Variants in PROM2 observed in about 807,000 individuals in gnomAD.
PROM2 encodes prominin 2.
PROM2 carries 90 observed loss-of-function variants against 110.2 expected under a neutral mutation model. The ratio of observed to expected loss-of-function variants is 0.82; its 90% CI spans 0.69 to 0.97. The LOEUF (loss-of-function observed/expected upper bound fraction) is 0.97. Ranked by LOEUF, PROM2 falls within the 50% of genes least tolerant of loss-of-function variation. PROM2 has a pLI of 0.00. For missense variants in PROM2, 1,009 were observed against 1,074.8 expected, an observed-to-expected ratio of 0.94 and a Z score of 0.86; for synonymous variants, 470 against 467.8, an observed-to-expected ratio of 1.00 and a Z score of -0.06.
chr2:95,281,192 A>G, intron 11 of PROM2, 50 bp from the exon 12 acceptor site: 1 of 1,596,698 alleles, frequency 6.3e-7, no homozygotes. Flanking sequence ...GGGTATGGTC[A>G]GGGCAGCCAG....
In PROM2 at chr2:95,279,620, C is replaced by T. The variant is rs80206680; in HGVS notation, c.1275-225C>T. On this transcript the variant is annotated intron_variant, in intron 10 of 23. Coordinates refer to ENST00000317620, the MANE Select transcript of PROM2 (RefSeq NM_001165978.3). ...GCTTCTGCATATTTTTAAGCCAAGA[C>T]CCCTGACTCCAGAGGCCTCCAAGTC... Among the ~76,000 whole-genome samples the T allele has an allele frequency of 2.8e-4, 42 of 152,246 alleles. 1 individual carries two copies. In the East Asian group the frequency reaches 7.9e-3, roughly 29 times the overall value.
intron 15 of PROM2, 73 bp from the exon 16 acceptor site, chr2:95,285,566 G>A (rs1677304969): frequency 4.7e-6 from 6 of 1,268,800 alleles, no homozygotes; most frequent in Non-Finnish European, 6.7e-6. Flanking sequence ...GGGATTTGGA[G>A]GCTGGGATCA....
chr2:95,280,038 G>A, intron 11 of PROM2, 41 bp downstream of exon 11: 1 of 1,366,726 alleles, frequency 7.3e-7, no homozygotes, highest in Non-Finnish European at 9.5e-7. Context: ...CCCTCTTATA[G>A]GGCTGGCTGA....
At chr2:95,279,282 G>A (rs1170904367) in intron 10 of PROM2, 138 bp downstream of exon 10, 23 of 671,792 alleles carry the variant, frequency 3.4e-5, no homozygotes, top group Middle Eastern at 9.1e-4. Context: ...TTGTTTGTTT[G>A]TTTGTTTTTG....
In PROM2 at chr2:95,276,432, C is replaced by A; in HGVS notation, c.618+85C>A. 1 of 1,594,224 alleles carries A rather than the reference C, an allele frequency of 6.3e-7. No individual in the cohort carries two copies. Reference sequence around the variant, plus strand: ...AGAGCCGAGTGGGCCCTCGATGGCCCATAACCAGCGCATCTGAAAGCCGCC... The same window carrying A: ...AGAGCCGAGTGGGCCCTCGATGGCCAATAACCAGCGCATCTGAAAGCCGCC... On this transcript the variant is annotated intron_variant, in intron 4 of 23. Transcript: ENST00000317620. The surrounding 1 kb of genome is among the most constrained non-coding windows in gnomAD (Gnocchi z 4.6).
rs1169297151 is a variant in PROM2, at chr2:95,274,756, A to C, written c.171A>C (p.Pro57=). 1 of 1,611,030 alleles carries C rather than the reference A, an allele frequency of 6.2e-7. No homozygotes were observed. Among genetic ancestry groups the C allele is most frequent in the South Asian group, 1.1e-5 (1 of 90,982 alleles). The part of the protein sequence containing the change: ...ARWLAPRVRA[P]GLLDSLYGTV... Reference sequence around the variant, plus strand: ...GGCTGGCCCCTCGAGTTCGTGCGCCAGGACTCCTGGACTCCCTCTATGGCA... The same window carrying C: ...GGCTGGCCCCTCGAGTTCGTGCGCCCGGACTCCTGGACTCCCTCTATGGCA... Residue 57 remains proline, a synonymous_variant, in exon 1 of 24, where the codon CCA becomes CCC. Coordinates refer to ENST00000317620, the MANE Select transcript of PROM2 (RefSeq NM_001165978.3).
At chr2:95,287,278 T>C in intron 19 of PROM2, 65 bp downstream of exon 19, 1 of 1,565,070 alleles carries the variant, frequency 6.4e-7, no homozygotes, top group Non-Finnish European at 8.7e-7. Context: ...AGCTTCTCAC[T>C]GTGGCTCCCA....
chr2:95,287,544 CCCCGGA>C (rs1677444815), intron 20 of PROM2, 80 bp downstream of exon 20: 1 of 1,461,000 alleles, frequency 6.8e-7, no homozygotes, highest in Non-Finnish European at 9.5e-7. Context: ...CCGCCCCCGC[CCCCGGA>C]GCCCCTTGGG....
In PROM2 at chr2:95,276,886, G is replaced by A. The variant is rs1573445973; in HGVS notation, c.683-86G>A. 2.3e-5 allele frequency: 32 copies of A among 1,414,194 alleles called. No individual in the cohort carries two copies. The East Asian group carries it at 6.2e-4, about 28-fold the overall frequency. 87.6% of individuals were successfully genotyped at this position (1,414,194 alleles called of 1,614,324 possible). On this transcript the variant is annotated intron_variant, in intron 5 of 23. Coordinates refer to ENST00000317620, the MANE Select transcript of PROM2 (RefSeq NM_001165978.3). This position sits in a 1 kb window ranked among gnomAD's most constrained non-coding sequence, Gnocchi z 4.6. ...CCACCCCCCGGCTCCTGCAGAGCCC[G>A]GTGGGGCCTGGGGAGGCAGGATGGG... is the stretch of plus-strand genomic sequence containing the variant.
intron 14 of PROM2, among the ~76,000 whole-genome samples, chr2:95,284,763 A>G (rs987334942): frequency 4.7e-4 from 71 of 152,342 alleles, no homozygotes; most frequent in African/African-American, 1.6e-3. Context: ...GCACTAAGCC[A>G]TACGTGAGGG....
intron 8 of PROM2, 93 bp from the exon 9 acceptor site, chr2:95,278,628 G>T (rs1676822160): frequency 1.3e-5 from 18 of 1,421,488 alleles, no homozygotes; most frequent in Non-Finnish European, 1.8e-5. Flanking sequence ...AGCACTGAGG[G>T]GGGCCCTCCC....
In PROM2 at chr2:95,274,760, C is replaced by G; in HGVS notation, c.175C>G (p.Leu59Val). 1.2e-6 allele frequency: 2 copies of G among 1,611,692 alleles called. No homozygotes were observed. Among genetic ancestry groups the G allele is most frequent in the South Asian group, 1.1e-5 (1 of 91,038 alleles). The stretch of plus-strand genomic sequence containing the variant: ...GGCCCCTCGAGTTCGTGCGCCAGGA[C>G]TCCTGGACTCCCTCTATGGCACCGT... ...WLAPRVRAPGLLDSLYGTVRR... is the reference protein window; with the variant it reads ...WLAPRVRAPGVLDSLYGTVRR... Residue 59 changes from leucine to valine, a missense_variant, in exon 1 of 24, where the codon CTC becomes GTC. Coordinates refer to ENST00000317620, the MANE Select transcript of PROM2 (RefSeq NM_001165978.3).
At position 95,275,863 on chromosome 2, in the gene PROM2, A is replaced by C; in HGVS notation, c.295-67A>C. ...CCCGCCCCTTCTGGTTTCCCTCTGGACTCAGGCAGAAGCCAGGGCTGGGCA... is the reference window on the plus strand; with the variant it reads ...CCCGCCCCTTCTGGTTTCCCTCTGGCCTCAGGCAGAAGCCAGGGCTGGGCA... On this transcript the variant is annotated intron_variant, in intron 2 of 23. Transcript: ENST00000317620. The surrounding 1 kb of genome is among the most constrained non-coding windows in gnomAD (Gnocchi z 4.4). 1.3e-6 allele frequency: 2 copies of C among 1,552,904 alleles called. No homozygotes were observed. Among genetic ancestry groups the C allele is most frequent in the South Asian group, 1.2e-5 (1 of 84,778 alleles).
Position 95,279,014 on chromosome 2 carries a change from G to A in PROM2, c.1144G>A (p.Glu382Lys). 1 of 1,610,310 alleles carries A rather than the reference G, an allele frequency of 6.2e-7. No individual in the cohort carries two copies. Among genetic ancestry groups the A allele is most frequent in the Non-Finnish European group, 8.5e-7 (1 of 1,178,148 alleles). Reference protein sequence around the residue: ...ELKKAVAQQPEGVRTLAEGFP... With the variant: ...ELKKAVAQQPKGVRTLAEGFP... ...GAAGAAGGCAGTGGCCCAGCAGCCG[G>A]AAGGGGTGAGGACACTGGCTGAAGG... Residue 382 changes from glutamate (E) to lysine (K), a missense_variant, in exon 10 of 24, where the codon GAA becomes AAA. By Grantham distance (56) the Glu-to-Lys change is moderately conservative. Coordinates refer to ENST00000317620, the MANE Select transcript of PROM2 (RefSeq NM_001165978.3).
In PROM2 at chr2:95,279,963, G is replaced by A. The variant is rs572182451; in HGVS notation, c.1393G>A (p.Ala465Thr). Residue 465 changes from alanine (A) to threonine (T), a missense_variant, in exon 11 of 24, where the codon GCC becomes ACC. By Grantham distance (58) the Ala-to-Thr change is moderately conservative. Transcript: ENST00000317620. ...SARDDPSHPE[A>T]KGEAGARFLM... ...CAGGGACGACCCCAGCCACCCAGAAGCCAAGGGCGAGGCTGGAGCCCGCTT... is the reference window on the plus strand; with the variant it reads ...CAGGGACGACCCCAGCCACCCAGAAACCAAGGGCGAGGCTGGAGCCCGCTT... 18 of 1,498,566 alleles carry A rather than the reference G, an allele frequency of 1.2e-5. No individual in the cohort carries two copies. In the East Asian group the frequency reaches 4.1e-4, roughly 34 times the overall value. 92.8% of individuals were successfully genotyped at this position (1,498,566 alleles called of 1,614,324 possible). A position where few individuals can be genotyped will look rare whatever the true frequency, so the allele number is the denominator to read the frequency against.
chr2:95,282,954 C>T (rs1190043534), intron 14 of PROM2, among the ~76,000 whole-genome samples: 1 of 152,188 alleles, frequency 6.6e-6, no homozygotes, highest in Non-Finnish European at 1.5e-5. Context: ...ATGCTAACTC[C>T]TGATTTTGCA....
At position 95,281,246 on chromosome 2, in the gene PROM2, G is replaced by A; in HGVS notation, c.1432G>A (p.Val478Met). 1 of 1,612,604 alleles carries A rather than the reference G, an allele frequency of 6.2e-7. No individual in the cohort carries two copies. Among genetic ancestry groups the A allele is most frequent in the Non-Finnish European group, 8.5e-7 (1 of 1,179,946 alleles). Reference sequence around the variant, plus strand: ...CCTGCCTCTCGCCTACCCCAGAGGTGTGGGCCTCAGCTTCCTCTTTGCTGC... The same window carrying A: ...CCTGCCTCTCGCCTACCCCAGAGGTATGGGCCTCAGCTTCCTCTTTGCTGC... Reference protein sequence around the residue: ...EAGARFLMAGVGLSFLFAAPL... With the variant: ...EAGARFLMAGMGLSFLFAAPL... The change falls in exon 12 of 24, where the codon GTG (valine) becomes ATG (methionine). Residue 478 changes from valine (V) to methionine (M), a missense_variant. Physicochemically the swap from Val to Met is conservative, Grantham distance 21 (BLOSUM62 1). Coordinates refer to ENST00000317620, the MANE Select transcript of PROM2 (RefSeq NM_001165978.3).
chr2:95,288,819 C>G, intron 22 of PROM2, 114 bp from the exon 23 acceptor site: 1 of 1,115,356 alleles, frequency 9.0e-7, no homozygotes, highest in Non-Finnish European at 1.4e-6. Flanking sequence ...GGGACCCTTC[C>G]CATCCCCCAC....
chr2:95,275,380 T>C lies in PROM2; in HGVS notation c.245-81T>C, dbSNP rs564685407. The C allele has an allele frequency of 7.2e-7, 1 of 1,391,452 alleles. No homozygotes were observed. Among genetic ancestry groups the C allele is most frequent in the African/African-American group, 1.4e-5 (1 of 69,788 alleles). 86.2% of individuals were successfully genotyped at this position (1,391,452 alleles called of 1,614,324 possible). On this transcript the variant is annotated intron_variant, in intron 1 of 23. Coordinates refer to ENST00000317620, the MANE Select transcript of PROM2 (RefSeq NM_001165978.3). The surrounding 1 kb of genome is among the most constrained non-coding windows in gnomAD (Gnocchi z 4.4). ...CAGGAGCCCTGCCTCAGAGCCACTTTGCCCTGGCAGTGGGGAGAGGAGGGA... is the reference window on the plus strand; with the variant it reads ...CAGGAGCCCTGCCTCAGAGCCACTTCGCCCTGGCAGTGGGGAGAGGAGGGA...
Sources: gnomAD v4.1 joint callset for allele counts (sites outside exome capture counted in the v4.1 genomes callset) on GRCh38, gnomAD v4.1.1 for gene constraint, Gnocchi (gnomAD v3.1) non-coding constraint, MANE v1.5 for transcripts, NCBI Gene and HGNC (gene_info 2026-07-23, HGNC 2026-07-21) for gene names.